The following LHFPL3 variants were observed in gnomAD, a reference collection of about 807,000 sequenced individuals.
LHFPL3 encodes the protein LHFPL tetraspan subfamily member 3.
In LHFPL3, 5 loss-of-function variants were observed where a neutral mutation model predicts 19.3. That is an observed-to-expected ratio of 0.26 (90% CI 0.14 to 0.54). The LOEUF (loss-of-function observed/expected upper bound fraction) is 0.54. Among genes scored for constraint, LHFPL3 ranks in the 20% least tolerant of loss-of-function variants. LHFPL3 has a pLI of 0.94. For missense variants in LHFPL3, 249 were observed against 307.4 expected, an observed-to-expected ratio of 0.81 and a Z score of 1.42; for synonymous variants, 133 against 126.2, an observed-to-expected ratio of 1.05 and a Z score of -0.36.
intron 2 of LHFPL3, among the ~76,000 whole-genome samples, chr7:104,903,456 G>C (rs1436136978): frequency 6.9e-6 from 1 of 145,000 alleles, no homozygotes; most frequent in Non-Finnish European, 1.5e-5. Context: ...CATCCTTCTA[G>C]TTATACTTTT....
At chr7:104,363,663 G>T (rs552911067) in intron 1 of LHFPL3, among the ~76,000 whole-genome samples, 2 of 152,298 alleles carry the variant, frequency 1.3e-5, no homozygotes, top group African/African-American at 4.8e-5. Flanking sequence ...GGGAGTGAAC[G>T]CCTCCTTCAA....
intron 1 of LHFPL3, among the ~76,000 whole-genome samples, chr7:104,681,133 G>GT (rs1338024123): frequency 6.8e-6 from 1 of 146,766 alleles, no homozygotes; most frequent in Non-Finnish European, 1.5e-5. Context: ...ATACCTTTTG[G>GT]TTTTTTGTCT....
At chr7:104,474,508 C>T (rs1330620053) in intron 1 of LHFPL3, among the ~76,000 whole-genome samples, 2 of 151,674 alleles carry the variant, frequency 1.3e-5, no homozygotes, top group Non-Finnish European at 2.9e-5. Context: ...ACTAAAAATA[C>T]AAAATAAAAT....
chr7:104,452,673 ATG>A (rs1584329343), intron 1 of LHFPL3, among the ~76,000 whole-genome samples: 1 of 152,090 alleles, frequency 6.6e-6, no homozygotes, highest in East Asian at 1.9e-4. Context: ...TCATCCTTTT[ATG>A]TGTGTCTTTT....
chr7:104,452,120 AG>A (rs1443066062), intron 1 of LHFPL3, among the ~76,000 whole-genome samples: 2 of 152,210 alleles, frequency 1.3e-5, no homozygotes, highest in African/African-American at 4.8e-5. Context: ...ACCGAGAAAT[AG>A]CCACTGCTAA....
chr7:104,821,633 A>G (rs1260662569), intron 2 of LHFPL3, among the ~76,000 whole-genome samples: 1 of 152,202 alleles, frequency 6.6e-6, no homozygotes, highest in Non-Finnish European at 1.5e-5. Flanking sequence ...AACATGAAAG[A>G]GCTAGGACAC....
At chr7:104,657,035 T>C (rs777272145) in intron 1 of LHFPL3, among the ~76,000 whole-genome samples, 1 of 152,260 alleles carries the variant, frequency 6.6e-6, no homozygotes, top group Non-Finnish European at 1.5e-5. Context: ...TCTAAATGCC[T>C]GGCTGACTTT....
chr7:104,805,435 TAGTGATGTTGTC>T (rs1790340527), intron 2 of LHFPL3, among the ~76,000 whole-genome samples: 1 of 152,232 alleles, frequency 6.6e-6, no homozygotes, highest in Non-Finnish European at 1.5e-5. Context: ...TGTAGCAATG[TAGTGATGTTGTC>T]ACCTGTTACA....
Position 104,711,127 on chromosome 7 carries a change from T to C in LHFPL3, c.446-25548T>C, listed in dbSNP as rs549971204. Among the ~76,000 whole-genome samples the C allele has an allele frequency of 2.0e-5, 3 of 152,320 alleles. No individual in the cohort carries two copies. The South Asian group carries it at 6.2e-4, about 32-fold the overall frequency. ...TTTTCAAACTTTCATATGTGTCAAA[T>C]GGCAAAAGTTTCAGGGAAATTTTAT... On this transcript the variant is annotated intron_variant, in intron 1 of 2. Transcript: ENST00000424859.
At position 104,520,798 on chromosome 7, in the gene LHFPL3, C is replaced by T. The variant is rs1462391243; in HGVS notation, c.445+191574C>T. Among the ~76,000 whole-genome samples, 6 of 142,528 alleles carry T rather than the reference C, an allele frequency of 4.2e-5. No homozygotes were observed. The East Asian group carries it at 1.2e-3, about 29-fold the overall frequency. 93.5% of individuals were successfully genotyped at this position (142,528 alleles called of 152,430 possible). A position where few individuals can be genotyped will look rare whatever the true frequency, so the allele number is the denominator to read the frequency against. Reference sequence around the variant, plus strand: ...TCTGTGGGATCGGTGGTGATATCCCCTTTATCATTTTTTATTGCGTCTATT... The same window carrying T: ...TCTGTGGGATCGGTGGTGATATCCCTTTTATCATTTTTTATTGCGTCTATT... On this transcript the variant is annotated intron_variant, in intron 1 of 2. Coordinates refer to ENST00000424859, the MANE Select transcript of LHFPL3 (RefSeq NM_199000.3).
intron 2 of LHFPL3, among the ~76,000 whole-genome samples, chr7:104,779,632 G>C (rs531988330): frequency 3.8e-4 from 58 of 152,302 alleles, no homozygotes; most frequent in Admixed American, 1.0e-3. Flanking sequence ...AGTGACCTCT[G>C]CACAAGGTTG....
intron 1 of LHFPL3, among the ~76,000 whole-genome samples, chr7:104,402,932 T>C (rs1161944775): frequency 6.6e-6 from 1 of 152,092 alleles, no homozygotes; most frequent in Non-Finnish European, 1.5e-5. Context: ...TGGAAGCCAT[T>C]ATTCTCAGCA....
At chr7:104,554,672 TAGATAGATAGATAGATAGAC>T (rs1228672242) in intron 1 of LHFPL3, among the ~76,000 whole-genome samples, 161 of 150,546 alleles carry the variant, frequency 1.1e-3, no homozygotes, top group African/African-American at 3.7e-3. Flanking sequence ...GATAGATAGA[TAGATAGATAGATAGATAGAC>T]AGACAGATGA....
chr7:104,508,471 A>T (rs1340796509), intron 1 of LHFPL3, among the ~76,000 whole-genome samples: 1 of 50,538 alleles, frequency 2.0e-5, no homozygotes, highest in Non-Finnish European at 3.7e-5. Flanking sequence ...GGGTGGGGGG[A>T]GGGGGGAGGG....
intron 1 of LHFPL3, among the ~76,000 whole-genome samples, chr7:104,510,403 T>C (rs1362968524): frequency 6.6e-6 from 1 of 152,054 alleles, no homozygotes; most frequent in East Asian, 1.9e-4. Flanking sequence ...TGGAACAAAA[T>C]AGAGAACCCC....
intron 2 of LHFPL3, among the ~76,000 whole-genome samples, chr7:104,825,107 C>T (rs1033847800): frequency 1.3e-5 from 2 of 150,082 alleles, no homozygotes; most frequent in African/African-American, 4.9e-5. Flanking sequence ...ATAGGAGGAC[C>T]ATATAAGATC....
intron 1 of LHFPL3, among the ~76,000 whole-genome samples, chr7:104,556,124 C>T (rs1789826713): frequency 1.3e-5 from 2 of 152,178 alleles, no homozygotes; most frequent in East Asian, 1.9e-4. Context: ...GTGTCTGTGG[C>T]TTTTCCAAGC....
intron 1 of LHFPL3, among the ~76,000 whole-genome samples, chr7:104,636,856 G>A (rs1014627868): frequency 4.6e-5 from 7 of 152,196 alleles, no homozygotes; most frequent in East Asian, 3.8e-4. Context: ...ACACATGTGT[G>A]TGTCTTTATG....
intron 1 of LHFPL3, among the ~76,000 whole-genome samples, chr7:104,358,078 C>T (rs944282457): frequency 1.3e-5 from 2 of 152,114 alleles, no homozygotes; most frequent in African/African-American, 4.8e-5. Flanking sequence ...CACAAAAGGC[C>T]ACATAGCATA....
Sources: allele counts gnomAD v4.1 joint callset (sites outside exome capture counted in the v4.1 genomes callset), GRCh38; gene constraint gnomAD v4.1.1; transcripts MANE v1.5; gene names NCBI Gene and HGNC (gene_info 2026-07-23, HGNC 2026-07-21).